The following GALNT13 variants were observed in gnomAD, a reference collection of about 807,000 sequenced individuals.
GALNT13 encodes polypeptide N-acetylgalactosaminyltransferase 13, also known as UDP-GalNAc:polypeptide N-acetylgalactosaminyltransferase 13.
A neutral mutation model predicts 64.2 loss-of-function variants in GALNT13; 28 were observed. The observed-to-expected ratio is 0.44, with a 90% CI of 0.32 to 0.60. The LOEUF is 0.60. Ranked by LOEUF, GALNT13 falls within the 20% of genes least tolerant of loss-of-function variation. The probability of loss-of-function intolerance (pLI) is 0.05; values close to 1 mark genes in which losing one functional copy is unlikely to be tolerated. For synonymous variants in GALNT13, 214 were observed against 224.6 expected, an observed-to-expected ratio of 0.95 and a Z score of 0.42; for missense variants, 577 against 669.8, an observed-to-expected ratio of 0.86 and a Z score of 1.53.
chr2:153,826,445 G>A, the GALNT13 span, among the ~76,000 whole-genome samples: 3 of 152,134 alleles, frequency 2.0e-5, no homozygotes, highest in Admixed American at 1.3e-4. Flanking sequence ...ATGAGTTTTG[G>A]AGAGGACAAA....
the GALNT13 span, among the ~76,000 whole-genome samples, chr2:153,662,935 G>A: frequency 0.21 from 31,520 of 152,028 alleles, 4,078 homozygotes; most frequent in Middle Eastern, 0.44. Flanking sequence ...AGACAATTAC[G>A]TAGGAACTTT....
chr2:153,647,151 C>T, the GALNT13 span, among the ~76,000 whole-genome samples: 1 of 152,138 alleles, frequency 6.6e-6, no homozygotes, highest in Non-Finnish European at 1.5e-5. Context: ...TTAATGATCG[C>T]CATTCTAACT....
chr2:154,047,133 T>G (rs1034197296), intron 3 of GALNT13, among the ~76,000 whole-genome samples: 1 of 152,148 alleles, frequency 6.6e-6, no homozygotes, highest in African/African-American at 2.4e-5. Context: ...CAAAACTAAG[T>G]GCTTTCTATT....
the GALNT13 span, among the ~76,000 whole-genome samples, chr2:153,334,821 C>T: frequency 2.0e-5 from 3 of 152,040 alleles, no homozygotes; most frequent in African/African-American, 7.2e-5. Context: ...GTCTCCCATG[C>T]TTGAGGACTA....
chr2:154,261,553 T>G (rs1690697504), intron 8 of GALNT13, among the ~76,000 whole-genome samples: 1 of 152,142 alleles, frequency 6.6e-6, no homozygotes, highest in Non-Finnish European at 1.5e-5. Flanking sequence ...GAAATGAGAA[T>G]ATGTTGAGCA....
the GALNT13 span, among the ~76,000 whole-genome samples, chr2:153,773,416 T>G: frequency 8.3e-4 from 127 of 152,344 alleles, 1 homozygote; most frequent in East Asian, 0.024. Context: ...AATTCTACTA[T>G]CGTATTGGAT....
At chr2:153,074,595 T>A in the GALNT13 span, among the ~76,000 whole-genome samples, 1 of 152,188 alleles carries the variant, frequency 6.6e-6, no homozygotes, top group African/African-American at 2.4e-5. Context: ...TTACCATGGC[T>A]ACAGCATCAT....
At chr2:154,049,929 C>A (rs1044415571) in intron 3 of GALNT13, among the ~76,000 whole-genome samples, 25 of 152,182 alleles carry the variant, frequency 1.6e-4, no homozygotes, top group Non-Finnish European at 3.4e-4. Flanking sequence ...CCAATACCAG[C>A]AAGTCCTTCC....
chr2:154,202,815 G>A (rs768396290), intron 4 of GALNT13, among the ~76,000 whole-genome samples: 18 of 152,042 alleles, frequency 1.2e-4, no homozygotes, highest in Non-Finnish European at 2.2e-4. Context: ...GACTACCATC[G>A]GTGATTCCAA....
chr2:154,423,346 A>G (rs1007132193), intron 11 of GALNT13, among the ~76,000 whole-genome samples: 1 of 152,028 alleles, frequency 6.6e-6, no homozygotes, highest in East Asian at 1.9e-4. Context: ...AGTCTTTGCT[A>G]TTGTGAATAG....
At chr2:153,238,373 T>C in the GALNT13 span, among the ~76,000 whole-genome samples, 2 of 152,074 alleles carry the variant, frequency 1.3e-5, no homozygotes, top group Admixed American at 1.3e-4. Flanking sequence ...TGTTTGCCTG[T>C]GCTTGTGGGG....
At chr2:153,255,162 G>A in the GALNT13 span, among the ~76,000 whole-genome samples, 3 of 150,740 alleles carry the variant, frequency 2.0e-5, no homozygotes, top group African/African-American at 7.4e-5. Context: ...CCTGTATTGG[G>A]TGCATATATA....
chr2:153,881,390 G>A (rs1686774675), intron 1 of GALNT13, among the ~76,000 whole-genome samples: 1 of 152,132 alleles, frequency 6.6e-6, no homozygotes, highest in South Asian at 2.1e-4. Flanking sequence ...TCAGACTTAT[G>A]GATAGTATTT....
the GALNT13 span, among the ~76,000 whole-genome samples, chr2:153,206,817 T>G: frequency 4.3e-4 from 65 of 152,208 alleles, no homozygotes; most frequent in Middle Eastern, 3.4e-3. Flanking sequence ...TTTAAAATAT[T>G]TTGTTGTTAT....
At chr2:154,334,644 C>T (rs1306592171) in intron 9 of GALNT13, among the ~76,000 whole-genome samples, 1 of 152,006 alleles carries the variant, frequency 6.6e-6, no homozygotes, top group Non-Finnish European at 1.5e-5. Flanking sequence ...GCAATCACTA[C>T]AGTTTGTTGT....
the GALNT13 span, among the ~76,000 whole-genome samples, chr2:153,785,957 G>A: frequency 4.6e-5 from 7 of 151,920 alleles, no homozygotes; most frequent in South Asian, 1.3e-3. Context: ...CTGACTTCTA[G>A]GGGAGACCCA....
At chr2:154,019,718 T>C (rs1697303194) in intron 3 of GALNT13, among the ~76,000 whole-genome samples, 1 of 151,916 alleles carries the variant, frequency 6.6e-6, no homozygotes, top group Non-Finnish European at 1.5e-5. Flanking sequence ...CATTTTATTA[T>C]ACTTTAAGTT....
the GALNT13 span, among the ~76,000 whole-genome samples, chr2:153,446,285 G>T: frequency 6.6e-6 from 1 of 152,164 alleles, no homozygotes; most frequent in Non-Finnish European, 1.5e-5. Flanking sequence ...AAATCATTAA[G>T]ATTCAGGTGT....
At chr2:154,257,654 A>G (rs1207380355) in intron 7 of GALNT13, 3 of 152,162 alleles carry the variant, frequency 2.0e-5, no homozygotes, top group African/African-American at 4.8e-5. Context: ...TGCTACTCCA[A>G]CTGATGGACA....
Sources: allele counts gnomAD v4.1 joint callset (sites outside exome capture counted in the v4.1 genomes callset), GRCh38; gene constraint gnomAD v4.1.1; transcripts MANE v1.5; gene names NCBI Gene and HGNC (gene_info 2026-07-23, HGNC 2026-07-21).